The following FSTL5 variants were observed in gnomAD, a reference collection of about 807,000 sequenced individuals.
The protein encoded by FSTL5 is follistatin-related protein 5.
FSTL5 carries 62 observed loss-of-function variants against 89.1 expected under a neutral mutation model. The observed-to-expected ratio is 0.70, with a 90% confidence interval of 0.57 to 0.86. The LOEUF is 0.86. Among genes scored for constraint, FSTL5 ranks in the 40% least tolerant of loss-of-function variants. The probability of loss-of-function intolerance (pLI) is 0.00; values close to 1 mark genes in which losing one functional copy is unlikely to be tolerated. For missense variants in FSTL5, 1,057 were observed against 1,001.6 expected, an observed-to-expected ratio of 1.06 and a Z score of -0.75; for synonymous variants, 383 against 346.2, an observed-to-expected ratio of 1.11 and a Z score of -1.18.
chr4:161,875,778 T>A (rs924473296), intron 4 of FSTL5, among the ~76,000 whole-genome samples: 16 of 152,348 alleles, frequency 1.1e-4, no homozygotes, highest in African/African-American at 2.9e-4. Flanking sequence ...TGGCTCAATG[T>A]CACCAGGCTT....
chr4:161,597,979 A>G lies in FSTL5; in HGVS notation c.895-10404T>C, dbSNP rs181950138. Among the ~76,000 whole-genome samples, 923 of 152,314 alleles carry G rather than the reference A, an allele frequency of 6.1e-3. 14 individuals are homozygous for G. The highest frequency in any genetic ancestry group is 0.046 in the South Asian group (220 of 4,830). On this transcript the variant is annotated intron_variant, in intron 7 of 15. Coordinates refer to ENST00000306100, the MANE Select transcript of FSTL5 (RefSeq NM_020116.5). ...AGTTTATTGAAAGGTATTAAAGAGT[A>G]TCTTACTCAGTTGAAAAACATGAAT... is the stretch of plus-strand genomic sequence containing the variant.
intron 12 of FSTL5, among the ~76,000 whole-genome samples, chr4:161,483,916 G>C (rs1233961057): frequency 1.3e-5 from 2 of 152,012 alleles, no homozygotes; most frequent in Non-Finnish European, 2.9e-5. Context: ...ATGGAGATGA[G>C]AGTCCTGGAA....
At chr4:161,994,981 T>C (rs967826285) in intron 3 of FSTL5, among the ~76,000 whole-genome samples, 6 of 152,206 alleles carry the variant, frequency 3.9e-5, no homozygotes, top group African/African-American at 1.4e-4. Context: ...CAGGATTGTA[T>C]TGCCTAGGTT....
chr4:161,703,245 A>T (rs149142106), intron 6 of FSTL5, among the ~76,000 whole-genome samples: 1 of 152,186 alleles, frequency 6.6e-6, no homozygotes, highest in African/African-American at 2.4e-5. Flanking sequence ...AGCACTAGCA[A>T]ACTTGCAGTA....
intron 11 of FSTL5, among the ~76,000 whole-genome samples, chr4:161,503,796 T>A (rs1473546907): frequency 6.6e-6 from 1 of 152,062 alleles, no homozygotes; most frequent in African/African-American, 2.4e-5. Flanking sequence ...CCAAAAAACT[T>A]TCTAGCAAGA....
intron 6 of FSTL5, among the ~76,000 whole-genome samples, chr4:161,686,342 ATATATTTTTTTTTTTTTT>A: frequency 1.3e-4 from 1 of 7,820 alleles, no homozygotes; most frequent in South Asian, 9.4e-3. Context: ...ATATATATAT[ATATATTTTTTTTTTTTTT>A]TTTTTTTTTT....
chr4:162,034,762 A>G (rs1474519464), intron 2 of FSTL5, among the ~76,000 whole-genome samples: 1 of 152,180 alleles, frequency 6.6e-6, no homozygotes, highest in African/African-American at 2.4e-5. Flanking sequence ...GAGTAGGAAA[A>G]TATAAAGAAC....
At chr4:161,865,242 G>A (rs764888123) in intron 4 of FSTL5, among the ~76,000 whole-genome samples, 4 of 151,988 alleles carry the variant, frequency 2.6e-5, no homozygotes, top group Non-Finnish European at 5.9e-5. Context: ...ACTGTCAAGA[G>A]ATAAAAAGCG....
At chr4:161,584,112 C>A (rs1733526932) in intron 8 of FSTL5, among the ~76,000 whole-genome samples, 1 of 152,180 alleles carries the variant, frequency 6.6e-6, no homozygotes, top group Admixed American at 6.5e-5. Context: ...AAGCTTTCCC[C>A]AACACACCAA....
intron 2 of FSTL5, among the ~76,000 whole-genome samples, chr4:162,077,140 T>A (rs1289558487): frequency 6.6e-6 from 1 of 151,810 alleles, no homozygotes; most frequent in Non-Finnish European, 1.5e-5. Context: ...AAGTCCAATA[T>A]CAAGGGGCTG....
intron 4 of FSTL5, among the ~76,000 whole-genome samples, chr4:161,827,143 G>T (rs919251069): frequency 6.6e-5 from 10 of 152,234 alleles, no homozygotes; most frequent in African/African-American, 2.4e-4. Context: ...GTCCCACAGG[G>T]TGCTCCCTTG....
intron 6 of FSTL5, among the ~76,000 whole-genome samples, chr4:161,690,255 C>T (rs980503667): frequency 7.9e-5 from 12 of 152,136 alleles, no homozygotes; most frequent in Middle Eastern, 6.8e-3. Flanking sequence ...TTTCTACCTC[C>T]TTGTCTATAC....
At chr4:161,651,474 A>C (rs751627000) in intron 7 of FSTL5, among the ~76,000 whole-genome samples, 1 of 152,006 alleles carries the variant, frequency 6.6e-6, no homozygotes, top group Non-Finnish European at 1.5e-5. Context: ...CTATTTTTTT[A>C]GGTAGGTTCA....
At chr4:161,924,503 T>C (rs1218358016) in intron 3 of FSTL5, among the ~76,000 whole-genome samples, 1 of 151,728 alleles carries the variant, frequency 6.6e-6, no homozygotes, top group Non-Finnish European at 1.5e-5. Context: ...GGTTGGTATA[T>C]GATACATAAA....
At chr4:161,450,280 G>C (rs1315506879) in intron 15 of FSTL5, among the ~76,000 whole-genome samples, 1 of 152,120 alleles carries the variant, frequency 6.6e-6, no homozygotes, top group African/African-American at 2.4e-5. Context: ...AATTTATTAT[G>C]CAAATTCTAG....
At chr4:161,784,895 A>AAAAAAAAAAAACAAAACAAAAC (rs1553965825) in intron 4 of FSTL5, among the ~76,000 whole-genome samples, 4 of 142,016 alleles carry the variant, frequency 2.8e-5, no homozygotes, top group African/African-American at 7.9e-5. Context: ...TCCGTCTCAA[A>AAAAAAAAAAAACAAAACAAAAC]AAAAACAAAA....
At chr4:162,034,287 T>C (rs1324768584) in intron 2 of FSTL5, among the ~76,000 whole-genome samples, 6 of 152,142 alleles carry the variant, frequency 3.9e-5, no homozygotes, top group Non-Finnish European at 2.9e-5. Context: ...AAATAATGCC[T>C]TCAGAATTTG....
At chr4:161,676,747 G>GCACACACA (rs148353944) in intron 6 of FSTL5, among the ~76,000 whole-genome samples, 1,803 of 143,340 alleles carry the variant, frequency 0.013, 36 homozygotes, top group African/African-American at 0.041. Context: ...ATACATACAC[G>GCACACACA]CACACACACA....
At chr4:162,144,814 A>C (rs1232629040) in intron 1 of FSTL5, among the ~76,000 whole-genome samples, 1 of 152,034 alleles carries the variant, frequency 6.6e-6, no homozygotes, top group Non-Finnish European at 1.5e-5. Flanking sequence ...GAATTTTCTT[A>C]TGTAAATTTT....
Sources: allele counts gnomAD v4.1 joint callset (sites outside exome capture counted in the v4.1 genomes callset), GRCh38; gene constraint gnomAD v4.1.1; transcripts MANE v1.5; gene names NCBI Gene and HGNC (gene_info 2026-07-23, HGNC 2026-07-21).